The following UBE2R2 variants were observed in gnomAD, a reference collection of about 807,000 sequenced individuals.
The protein encoded by UBE2R2 is ubiquitin-conjugating enzyme E2 R2.
Under a neutral mutation model 27.8 loss-of-function variants are expected in UBE2R2, and 1 was observed. The observed-to-expected ratio is 0.04, with a 90% CI of 0.01 to 0.17. The LOEUF is 0.17. UBE2R2 is among the 10% of genes least tolerant of loss of function. The probability of loss-of-function intolerance (pLI) is 1.00; values close to 1 mark genes in which losing one functional copy is unlikely to be tolerated. For synonymous variants in UBE2R2, 106 were observed against 113.3 expected (o/e 0.94, Z 0.41); for missense variants, 100 against 291.0 (o/e 0.34, Z 4.78).
At chr9:33,861,525 G>A (rs1821235723) in intron 1 of UBE2R2, among the ~76,000 whole-genome samples, 1 of 151,886 alleles carries the variant, frequency 6.6e-6, no homozygotes, top group South Asian at 2.1e-4. Flanking sequence ...GCAGTAGGTG[G>A]AGGTTGCAGT....
intron 1 of UBE2R2, among the ~76,000 whole-genome samples, chr9:33,885,544 G>A (rs1435419162): frequency 1.3e-5 from 2 of 152,310 alleles, no homozygotes; most frequent in Non-Finnish European, 1.5e-5. Flanking sequence ...CAATTCTCTG[G>A]GAGTAAGGCT....
chr9:33,917,678 G>GA lies in UBE2R2; in HGVS notation c.*448dup, dbSNP rs1176310636. 14 of 222,396 alleles carry GA rather than the reference G, an allele frequency of 6.3e-5. No homozygotes were observed. The highest frequency in any genetic ancestry group is 8.6e-5 in the East Asian group (1 of 11,668). The allele number at this position is 222,396 out of a possible 1,614,324, so 13.8% of individuals were successfully genotyped here. ...ATATACTGGGTAGCAAAAGAAAATGGAAAAAAACCCACAAAACAAACTTTA... is the reference window on the plus strand; with the variant it reads ...ATATACTGGGTAGCAAAAGAAAATGGAAAAAAAACCCACAAAACAAACTTTA... On this transcript the variant is annotated 3_prime_UTR_variant, in exon 5 of 5. Transcript: ENST00000263228.
intron 1 of UBE2R2, among the ~76,000 whole-genome samples, chr9:33,864,876 C>A (rs1426870740): frequency 6.6e-6 from 1 of 152,068 alleles, no homozygotes; most frequent in African/African-American, 2.4e-5. Flanking sequence ...AGGCGTGTGC[C>A]ACCACACCCG....
At chr9:33,860,811 C>T (rs1485834276) in intron 1 of UBE2R2, among the ~76,000 whole-genome samples, 1 of 150,500 alleles carries the variant, frequency 6.6e-6, no homozygotes, top group Non-Finnish European at 1.5e-5. Flanking sequence ...GTGGGATGAT[C>T]TCTTGAGCCC....
chr9:33,857,187 T>C (rs1405577172), intron 1 of UBE2R2, among the ~76,000 whole-genome samples: 2 of 151,794 alleles, frequency 1.3e-5, no homozygotes, highest in African/African-American at 2.4e-5. Context: ...TGAGCCACCC[T>C]GCCTGGCCCC....
chr9:33,833,850 G>A (rs1390189716), intron 1 of UBE2R2, among the ~76,000 whole-genome samples: 2 of 152,060 alleles, frequency 1.3e-5, no homozygotes, highest in Non-Finnish European at 2.9e-5. Flanking sequence ...CTGTCTTTAT[G>A]AATTTGTTTA....
intron 1 of UBE2R2, among the ~76,000 whole-genome samples, chr9:33,840,785 T>A (rs1202983796): frequency 6.6e-6 from 1 of 152,210 alleles, no homozygotes; most frequent in Admixed American, 6.5e-5. Flanking sequence ...TCTGCTTACC[T>A]GCTGTTCAGT....
chr9:33,863,052 G>A (rs1309750726), intron 1 of UBE2R2, among the ~76,000 whole-genome samples: 2 of 152,018 alleles, frequency 1.3e-5, no homozygotes, highest in Admixed American at 1.3e-4. Flanking sequence ...GCCAGGCATG[G>A]TGGCACGCAC....
At chr9:33,873,153 C>T (rs534236830) in intron 1 of UBE2R2, among the ~76,000 whole-genome samples, 4 of 129,862 alleles carry the variant, frequency 3.1e-5, no homozygotes, top group South Asian at 2.4e-4. Context: ...GCTGCCTGAG[C>T]GACAGAGCAA....
intron 1 of UBE2R2, among the ~76,000 whole-genome samples, chr9:33,820,408 A>C (rs560121849): frequency 6.6e-6 from 1 of 152,330 alleles, no homozygotes; most frequent in African/African-American, 2.4e-5. Context: ...GTCTTGTGTG[A>C]GAAGTTTGTT....
chr9:33,821,923 A>T lies in UBE2R2; in HGVS notation c.177+3989A>T, dbSNP rs561253253. Among the ~76,000 whole-genome samples, 7 of 152,158 alleles carry T rather than the reference A, an allele frequency of 4.6e-5. No homozygotes were observed. In the South Asian group the frequency reaches 1.2e-3, roughly 27 times the overall value. On this transcript the variant is annotated intron_variant, in intron 1 of 4. Coordinates refer to ENST00000263228, the MANE Select transcript of UBE2R2 (RefSeq NM_017811.4). The stretch of plus-strand genomic sequence containing the variant: ...AGGCCTGAGCCACCACTCCTGGCCA[A>T]CCTTTTATAGTTTTGATTTTATTAA...
intron 1 of UBE2R2, among the ~76,000 whole-genome samples, chr9:33,874,180 T>A (rs2764319): frequency 0.031 from 4,676 of 152,104 alleles, 150 homozygotes; most frequent in East Asian, 0.089. Flanking sequence ...ACTCCTGACT[T>A]CAAGTGATCT....
chr9:33,851,518 T>G (rs763380577), intron 1 of UBE2R2, among the ~76,000 whole-genome samples: 1 of 152,202 alleles, frequency 6.6e-6, no homozygotes, highest in Non-Finnish European at 1.5e-5. Flanking sequence ...CTTTATAGTT[T>G]CGGCAGTACA....
chr9:33,820,856 A>G (rs1267328655), intron 1 of UBE2R2, among the ~76,000 whole-genome samples: 6 of 152,160 alleles, frequency 3.9e-5, no homozygotes, highest in Non-Finnish European at 8.8e-5. Flanking sequence ...TACCCACAGG[A>G]TCTGCATTGG....
intron 1 of UBE2R2, among the ~76,000 whole-genome samples, chr9:33,871,900 G>A (rs933544749): frequency 5.9e-5 from 9 of 151,900 alleles, no homozygotes; most frequent in African/African-American, 2.2e-4. Context: ...TTTTAGTAGA[G>A]ACGTGTTTTC....
intron 3 of UBE2R2, among the ~76,000 whole-genome samples, chr9:33,902,894 G>A (rs1216119683): frequency 2.6e-5 from 4 of 152,192 alleles, no homozygotes; most frequent in Non-Finnish European, 5.9e-5. Context: ...GAGGTCGGGA[G>A]TTCAAGACTA....
At chr9:33,853,890 C>T (rs1343324306) in intron 1 of UBE2R2, among the ~76,000 whole-genome samples, 2 of 148,522 alleles carry the variant, frequency 1.3e-5, no homozygotes, top group African/African-American at 5.0e-5. Context: ...GAGTCCAGAT[C>T]TTGCTGTGTT....
chr9:33,845,185 T>C (rs538536041), intron 1 of UBE2R2, among the ~76,000 whole-genome samples: 106 of 152,090 alleles, frequency 7.0e-4, no homozygotes, highest in African/African-American at 2.4e-3. Flanking sequence ...CATTCCTTTT[T>C]TTCTTTTTTG....
chr9:33,861,340 G>A (rs896800636), intron 1 of UBE2R2, among the ~76,000 whole-genome samples: 2 of 151,924 alleles, frequency 1.3e-5, no homozygotes, highest in Non-Finnish European at 2.9e-5. Flanking sequence ...GGCCGAGGCG[G>A]GCAGATTGCC....
Sources: allele counts gnomAD v4.1 joint callset (sites outside exome capture counted in the v4.1 genomes callset), GRCh38; gene constraint gnomAD v4.1.1; transcripts MANE v1.5; gene names NCBI Gene and HGNC (gene_info 2026-07-23, HGNC 2026-07-21).